The following C2orf49 variants were observed in gnomAD, a reference collection of about 807,000 sequenced individuals.
The protein encoded by C2orf49 is tRNA splicing ligase complex subunit 2, also known as tRNA-splicing ligase complex subunit ASW.
In C2orf49, 11 loss-of-function variants were observed where a neutral mutation model predicts 20.6. The observed-to-expected ratio is 0.53, with a 90% confidence interval of 0.34 to 0.88. C2orf49 has a LOEUF of 0.88. C2orf49 is among the 40% of genes least tolerant of loss of function. The pLI is 0.02. For synonymous variants in C2orf49, 134 were observed against 108.5 expected (o/e 1.24, Z -1.46); for missense variants, 289 against 274.2 (o/e 1.05, Z -0.38).
rs1679711828 is a variant in C2orf49, at chr2:105,342,994, C to A, written c.413C>A (p.Ala138Asp). Residue 138 changes from alanine to aspartate, a missense_variant, in exon 3 of 4, where the codon GCC (alanine) becomes GAC (aspartate). Physicochemically the swap from Ala to Asp is moderately radical, Grantham distance 126. Transcript: ENST00000258457. ...CCGCAGGCAAGCTTTACCAGTAATG[C>A]CTTTAGAAAATTATCAAATTCCTCT... ...PPPQASFTSN[A>D]FRKLSNSSSS... The A allele has an allele frequency of 1.2e-6, 2 of 1,614,204 alleles. No homozygotes were observed. Among genetic ancestry groups the A allele is most frequent in the Non-Finnish European group, 8.5e-7 (1 of 1,180,046 alleles).
At chr2:105,365,435 C>T in the C2orf49 span, among the ~76,000 whole-genome samples, 3 of 152,168 alleles carry the variant, frequency 2.0e-5, no homozygotes, top group Admixed American at 2.0e-4. Context: ...GGATGTGTTG[C>T]TTTCATTTCT....
downstream of C2orf49, among the ~76,000 whole-genome samples, chr2:105,352,514 G>A (rs1181699729): frequency 4.0e-5 from 5 of 124,932 alleles, no homozygotes; most frequent in Admixed American, 2.1e-4. Flanking sequence ...GCAGGATCTC[G>A]GCCCACTGCA....
intron 2 of C2orf49, 44 bp downstream of exon 2, chr2:105,339,793 A>G: frequency 7.0e-7 from 1 of 1,432,624 alleles, no homozygotes; most frequent in East Asian, 2.5e-5. Flanking sequence ...TTATATAACT[A>G]AAGTTATATA....
chr2:105,383,732 A>C, the C2orf49 span, among the ~76,000 whole-genome samples: 1 of 152,190 alleles, frequency 6.6e-6, no homozygotes, highest in Non-Finnish European at 1.5e-5. Flanking sequence ...CTTCCAGAAA[A>C]AAACAGGAAC....
the C2orf49 span, among the ~76,000 whole-genome samples, chr2:105,355,770 T>TGTGTGTGTGTG: frequency 2.8e-3 from 407 of 143,202 alleles, 4 homozygotes; most frequent in Middle Eastern, 0.011. Flanking sequence ...AGAAAAAATT[T>TGTGTGTGTGTG]TGTGTGTGTG....
At chr2:105,364,760 C>T in the C2orf49 span, among the ~76,000 whole-genome samples, 2 of 152,152 alleles carry the variant, frequency 1.3e-5, no homozygotes, top group Non-Finnish European at 2.9e-5. Context: ...TTACATAAAG[C>T]TTGTGAAGTA....
the C2orf49 span, among the ~76,000 whole-genome samples, chr2:105,370,219 A>ACCCC: frequency 6.6e-6 from 1 of 152,040 alleles, no homozygotes; most frequent in Admixed American, 6.5e-5. Context: ...CCCCCCCAAA[A>ACCCC]AAAAAATTAG....
At position 105,342,944 on chromosome 2, in the gene C2orf49, A is replaced by G. The variant is rs762142533; in HGVS notation, c.363A>G (p.Gly121=). 1.7e-5 allele frequency: 27 copies of G among 1,614,138 alleles called. No homozygotes were observed. The highest frequency in any genetic ancestry group is 3.3e-4 in the Middle Eastern group (2 of 6,084). Reference sequence around the variant, plus strand: ...TAAAAGTGAAAAAGACAGAGAATGGAGATAATGATCGACTGAAGCCTCCCC... The same window carrying G: ...TAAAAGTGAAAAAGACAGAGAATGGGGATAATGATCGACTGAAGCCTCCCC... ...TSIKVKKTEN[G]DNDRLKPPPQ... is the part of the protein sequence containing the mutation. Residue 121 remains glycine, a synonymous_variant, in exon 3 of 4, where the codon GGA becomes GGG. Coordinates refer to ENST00000258457, the MANE Select transcript of C2orf49 (RefSeq NM_024093.3).
At chr2:105,338,713 A>C (rs1028221338) in intron 1 of C2orf49, among the ~76,000 whole-genome samples, 2 of 152,188 alleles carry the variant, frequency 1.3e-5, no homozygotes, top group African/African-American at 4.8e-5. Flanking sequence ...AGTCTAATAT[A>C]CGAAAGAGAA....
At chr2:105,343,628 G>A (rs1277614537) in intron 3 of C2orf49, among the ~76,000 whole-genome samples, 1 of 152,096 alleles carries the variant, frequency 6.6e-6, no homozygotes, top group Non-Finnish European at 1.5e-5. Context: ...CCTTAAGTCT[G>A]TCTGTTTGTG....
At chr2:105,361,310 C>T in the C2orf49 span, 2 of 1,614,034 alleles carry the variant, frequency 1.2e-6, no homozygotes, top group South Asian at 1.1e-5. Context: ...AGTCGGGGCA[C>T]AGGATGTCGT....
chr2:105,358,114 C>T, the C2orf49 span: 1 of 152,206 alleles, frequency 6.6e-6, no homozygotes, highest in Non-Finnish European at 1.5e-5. Flanking sequence ...TGTCATTTTG[C>T]TTTTTGCTAC....
chr2:105,366,129 G>A, the C2orf49 span, among the ~76,000 whole-genome samples: 3 of 151,802 alleles, frequency 2.0e-5, no homozygotes, highest in East Asian at 3.9e-4. Flanking sequence ...GAAATTGCTC[G>A]AACCCAAGAG....
chr2:105,345,581 G>A lies in C2orf49; in HGVS notation c.*210G>A. On this transcript the variant is annotated 3_prime_UTR_variant, in exon 4 of 4. Coordinates refer to ENST00000258457, the MANE Select transcript of C2orf49 (RefSeq NM_024093.3). ...TTCTTGCCTGTCTTGCCCTGATTAG[G>A]AAAGAATATCTTTTTAAACCAATGG... is the stretch of plus-strand genomic sequence containing the variant. 1 of 578,710 alleles carries A rather than the reference G, an allele frequency of 1.7e-6. No individual in the cohort carries two copies. The highest frequency in any genetic ancestry group is 3.1e-6 in the Non-Finnish European group (1 of 325,280). 35.8% of individuals were successfully genotyped at this position (578,710 alleles called of 1,614,324 possible).
intron 2 of C2orf49, among the ~76,000 whole-genome samples, 199 bp from the exon 3 acceptor site, chr2:105,342,649 C>G (rs1410872082): frequency 2.6e-5 from 4 of 152,144 alleles, no homozygotes; most frequent in Non-Finnish European, 5.9e-5. Context: ...ATTTCTTGTA[C>G]ATAAATATTT....
At chr2:105,356,601 G>A in the C2orf49 span, among the ~76,000 whole-genome samples, 1 of 152,144 alleles carries the variant, frequency 6.6e-6, no homozygotes, top group Non-Finnish European at 1.5e-5. Flanking sequence ...AAAGAAAACA[G>A]GCAGTGGGCA....
At chr2:105,378,463 A>G in the C2orf49 span, 168 of 278,470 alleles carry the variant, frequency 6.0e-4, no homozygotes, top group African/African-American at 3.6e-3. Context: ...CTCCTGCCAG[A>G]TGCTGCCCTT....
chr2:105,382,947 G>A, the C2orf49 span, among the ~76,000 whole-genome samples: 9 of 152,082 alleles, frequency 5.9e-5, no homozygotes, highest in Admixed American at 1.3e-4. Context: ...GTACAGTGGC[G>A]CAATCTTGGC....
chr2:105,365,674 C>CAA, the C2orf49 span, among the ~76,000 whole-genome samples: 13 of 71,658 alleles, frequency 1.8e-4, no homozygotes, highest in South Asian at 9.3e-4. Context: ...GTCTCTACTA[C>CAA]AAAAAAAAAA....
Sources: allele counts gnomAD v4.1 joint callset (sites outside exome capture counted in the v4.1 genomes callset), GRCh38; gene constraint gnomAD v4.1.1; transcripts MANE v1.5; gene names NCBI Gene and HGNC (gene_info 2026-07-23, HGNC 2026-07-21).